Variants in CCNT1 observed in about 807,000 individuals in gnomAD.
The protein encoded by CCNT1 is cyclin-T1.
Under a neutral mutation model 67.3 loss-of-function variants are expected in CCNT1, and 18 were observed. The ratio of observed to expected loss-of-function variants is 0.27; its 90% confidence interval spans 0.18 to 0.40. CCNT1 has a LOEUF of 0.40. Ranked by LOEUF, CCNT1 falls within the 10% of genes least tolerant of loss-of-function variation. CCNT1 has a pLI of 1.00. For missense variants in CCNT1, 744 were observed against 884.9 expected, an observed-to-expected ratio of 0.84 and a Z score of 2.02; for synonymous variants, 333 against 310.3, an observed-to-expected ratio of 1.07 and a Z score of -0.77.
intron 8 of CCNT1, among the ~76,000 whole-genome samples, chr12:48,694,981 G>A (rs1940146080): frequency 6.6e-6 from 1 of 152,152 alleles, no homozygotes; most frequent in South Asian, 2.1e-4. Context: ...GCATCACCAT[G>A]CCTGGCTAAT....
chr12:48,693,612 T>C lies in CCNT1; in HGVS notation c.1602A>G (p.Pro534=). ...HSHKHSHSQL[P]VGTGNKRPGD... is the part of the protein sequence containing the mutation. ...CAGGACGTTTGTTCCCAGTACCAACTGGAAGTTGGGAATGAGAGTGCTTGT... is the reference window on the plus strand; with the variant it reads ...CAGGACGTTTGTTCCCAGTACCAACCGGAAGTTGGGAATGAGAGTGCTTGT... Residue 534 remains proline, a synonymous_variant, in exon 9 of 9, where the codon CCA becomes CCG. Transcript: ENST00000261900. 2 of 1,614,184 alleles carry C rather than the reference T, an allele frequency of 1.2e-6. No individual in the cohort carries two copies. Among genetic ancestry groups the C allele is most frequent in the Non-Finnish European group, 1.7e-6 (2 of 1,180,030 alleles).
rs1291365588 is a variant in CCNT1 at position 48,693,684 on chromosome 12, G to A, written c.1530C>T (p.His510=). The change falls in exon 9 of 9, where the codon CAC becomes CAT. Residue 510 remains histidine, a synonymous_variant. Coordinates refer to ENST00000261900, the MANE Select transcript of CCNT1 (RefSeq NM_001240.4). ...GATGATGATTAGATGGGTGAGTCTT[G>A]TGCTTTTCTTTGTGCTCTCGGCTCT... ...VTKSREHKEK[H]KTHPSNHHHH... The A allele has an allele frequency of 1.2e-6, 2 of 1,614,012 alleles. No homozygotes were observed. Among genetic ancestry groups the A allele is most frequent in the African/African-American group, 1.3e-5 (1 of 74,918 alleles).
intron 2 of CCNT1, among the ~76,000 whole-genome samples, chr12:48,708,686 G>C (rs1405071058): frequency 6.6e-6 from 1 of 152,066 alleles, no homozygotes; most frequent in Non-Finnish European, 1.5e-5. Flanking sequence ...AATTCTAATG[G>C]GATATACTCT....
chr12:48,715,051 G>T (rs531830920), intron 1 of CCNT1, among the ~76,000 whole-genome samples: 1 of 152,356 alleles, frequency 6.6e-6, no homozygotes, highest in Non-Finnish European at 1.5e-5. Context: ...GGCCTCAACT[G>T]ATCGACCTGC....
At chr12:48,705,571 T>A (rs941977381) in intron 3 of CCNT1, 197 bp downstream of exon 3, 10 of 565,046 alleles carry the variant, frequency 1.8e-5, no homozygotes, top group African/African-American at 1.5e-4. Flanking sequence ...CCACCATACC[T>A]GGCCTGATTT....
intron 3 of CCNT1, among the ~76,000 whole-genome samples, chr12:48,705,344 G>C (rs1345220941): frequency 6.6e-6 from 1 of 152,014 alleles, no homozygotes; most frequent in Admixed American, 6.6e-5. Context: ...TTTGTTGCCA[G>C]AGCTTGTCTC....
chr12:48,700,614 T>C (rs1940250099), intron 4 of CCNT1, among the ~76,000 whole-genome samples: 1 of 152,170 alleles, frequency 6.6e-6, no homozygotes, highest in Non-Finnish European at 1.5e-5. Flanking sequence ...CACTAAAGCT[T>C]AAGTTCCCCC....
At chr12:48,708,533 C>T (rs940076615) in intron 2 of CCNT1, among the ~76,000 whole-genome samples, 4 of 149,534 alleles carry the variant, frequency 2.7e-5, no homozygotes, top group Admixed American at 2.0e-4. Flanking sequence ...GGCCACAGAG[C>T]GAGACTCTGT....
In CCNT1 at chr12:48,693,304, G is replaced by C. The variant is rs149815658; in HGVS notation, c.1910C>G (p.Ser637Trp). The C allele has an allele frequency of 6.2e-7, 1 of 1,614,176 alleles. No individual in the cohort carries two copies. The highest frequency in any genetic ancestry group is 8.5e-7 in the Non-Finnish European group (1 of 1,180,032). ...QPSCKTRVPH[S>W]KLDKGPTGAN... ...CCCAGTGGGCCCTTTATCCAGTTTC[G>C]AATGAGGGACACGAGTTTTACAGCT... The change falls in exon 9 of 9, where the codon TCG becomes TGG. Residue 637 changes from serine to tryptophan, a missense_variant. By Grantham distance (177) the Ser-to-Trp change is radical (BLOSUM62 -3). Transcript: ENST00000261900.
intron 5 of CCNT1, 90 bp from the exon 6 acceptor site, chr12:48,698,273 AT>A: frequency 1.1e-6 from 1 of 945,424 alleles, no homozygotes; most frequent in Non-Finnish European, 1.6e-6. Flanking sequence ...AGCATTTAAT[AT>A]TTGCAAGGTA....
Position 48,716,584 on chromosome 12 carries a change from G to C in CCNT1, c.92C>G (p.Pro31Arg). The change falls in exon 1 of 9, where the codon CCA becomes CGA. Residue 31 changes from proline to arginine, a missense_variant. Coordinates refer to ENST00000261900, the MANE Select transcript of CCNT1 (RefSeq NM_001240.4). The part of the protein sequence containing the change: ...NSPSRRFGVD[P>R]DKELSYRQQA... ...CTGGCGATAAGAAAGTTCTTTATCT[G>C]GGTCCACGCCAAAACGACGGGATGG... is the stretch of plus-strand genomic sequence containing the variant. The C allele has an allele frequency of 6.2e-7, 1 of 1,614,230 alleles. No homozygotes were observed. Among genetic ancestry groups the C allele is most frequent in the Non-Finnish European group, 8.5e-7 (1 of 1,180,028 alleles).
In CCNT1 at chr12:48,689,658, A is replaced by G. The variant is rs955025489; in HGVS notation, c.*3375T>C. ...TTTTCTTAGTATCAAAATAACTCAT[A>G]AACAAAAAAAATTGTAAATATTAAT... On this transcript the variant is annotated 3_prime_UTR_variant, in exon 9 of 9. Coordinates refer to ENST00000261900, the MANE Select transcript of CCNT1 (RefSeq NM_001240.4). 1 of 152,236 alleles carries G rather than the reference A, an allele frequency of 6.6e-6. No homozygotes were observed. Among genetic ancestry groups the G allele is most frequent in the Admixed American group, 6.5e-5 (1 of 15,284 alleles). The allele number at this position is 152,236 out of a possible 1,614,324, so 9.4% of individuals were successfully genotyped here.
intron 3 of CCNT1, chr12:48,705,555 G>A (rs1358741223): frequency 3.8e-6 from 2 of 529,096 alleles, no homozygotes; most frequent in African/African-American, 3.9e-5. Flanking sequence ...TTACAGGTAT[G>A]GTGAGCCACC....
intron 2 of CCNT1, among the ~76,000 whole-genome samples, chr12:48,709,386 A>C (rs769326258): frequency 7.9e-5 from 12 of 152,208 alleles, no homozygotes; most frequent in Non-Finnish European, 1.3e-4. Context: ...CTGACACTAC[A>C]AAAATTTTTA....
chr12:48,715,314 G>C (rs1389273551), intron 1 of CCNT1, among the ~76,000 whole-genome samples: 1 of 152,146 alleles, frequency 6.6e-6, no homozygotes, highest in Non-Finnish European at 1.5e-5. Flanking sequence ...ATTACTGTCA[G>C]CCACACATTT....
At chr12:48,699,108 C>T (rs1473822948) in intron 5 of CCNT1, among the ~76,000 whole-genome samples, 3 of 152,052 alleles carry the variant, frequency 2.0e-5, no homozygotes, top group Non-Finnish European at 4.4e-5. Context: ...TTTTATCTTC[C>T]TCAGGACATA....
chr12:48,710,228 A>G (rs1469194349), intron 2 of CCNT1, among the ~76,000 whole-genome samples: 1 of 152,132 alleles, frequency 6.6e-6, no homozygotes, highest in Non-Finnish European at 1.5e-5. Context: ...ACACACACAC[A>G]TACAAAAATG....
chr12:48,716,482 C>A, intron 1 of CCNT1, 33 bp downstream of exon 1: 3 of 1,581,266 alleles, frequency 1.9e-6, no homozygotes, highest in Non-Finnish European at 2.6e-6. Flanking sequence ...GCGGGACCAA[C>A]TCCAAGGCCG....
chr12:48,706,887 T>C (rs922815845), intron 2 of CCNT1, among the ~76,000 whole-genome samples: 3 of 152,148 alleles, frequency 2.0e-5, no homozygotes, highest in Admixed American at 1.3e-4. Context: ...GACAAGACCA[T>C]AGGAGACAAA....
Sources: allele counts gnomAD v4.1 joint callset (sites outside exome capture counted in the v4.1 genomes callset), GRCh38; gene constraint gnomAD v4.1.1; transcripts MANE v1.5; gene names NCBI Gene and HGNC (gene_info 2026-07-23, HGNC 2026-07-21).